Variants in NAALADL2 observed in about 807,000 individuals in gnomAD.
The protein encoded by NAALADL2 is inactive N-acetylated-alpha-linked acidic dipeptidase-like protein 2.
A neutral mutation model predicts 87.2 loss-of-function variants in NAALADL2; 76 were observed. The ratio of observed to expected loss-of-function variants is 0.87; its 90% CI spans 0.72 to 1.05. The LOEUF is 1.05. Ranked by LOEUF, NAALADL2 falls within the 50% of genes least tolerant of loss-of-function variation. The pLI, the probability that NAALADL2 is intolerant of heterozygous loss-of-function variation, is 0.00. For synonymous variants in NAALADL2, 354 were observed against 331.0 expected (o/e 1.07, Z -0.75); for missense variants, 1,089 against 945.8 (o/e 1.15, Z -1.99).
intron 4 of NAALADL2, 94 bp from the exon 5 acceptor site, chr3:175,324,079 AAG>A: frequency 1.1e-6 from 1 of 873,940 alleles, no homozygotes; most frequent in Non-Finnish European, 1.7e-6. Flanking sequence ...AAACTGGAAA[AAG>A]AGTCATCTTA....
intron 6 of NAALADL2, among the ~76,000 whole-genome samples, chr3:175,454,703 A>G (rs1722072904): frequency 6.6e-6 from 1 of 152,090 alleles, no homozygotes; most frequent in Non-Finnish European, 1.5e-5. Flanking sequence ...GCTGTTAACA[A>G]GATTTGTTTT....
intron 1 of NAALADL2, among the ~76,000 whole-genome samples, chr3:175,016,259 T>TATATA (rs1703203508): frequency 1.7e-5 from 2 of 118,994 alleles, no homozygotes; most frequent in African/African-American, 7.0e-5. Flanking sequence ...GATAAATTAT[T>TATATA]TATATATATA....
chr3:175,089,781 C>A (rs1196863739), intron 1 of NAALADL2, among the ~76,000 whole-genome samples: 1 of 152,126 alleles, frequency 6.6e-6, no homozygotes, highest in Non-Finnish European at 1.5e-5. Context: ...AAAACAAACC[C>A]TTCAGCTAAG....
intron 3 of NAALADL2, among the ~76,000 whole-genome samples, chr3:174,747,356 T>C (rs1082580): frequency 0.31 from 46,910 of 151,780 alleles, 7,741 homozygotes; most frequent in Non-Finnish European, 0.37. Context: ...ATCAGAGAAA[T>C]GCAAATCAAT....
At chr3:175,019,333 T>A (rs1162004842) in intron 1 of NAALADL2, among the ~76,000 whole-genome samples, 1 of 152,044 alleles carries the variant, frequency 6.6e-6, no homozygotes, top group Non-Finnish European at 1.5e-5. Flanking sequence ...AAGAAATTAA[T>A]ATTTAAGTAA....
chr3:175,390,919 A>G (rs1403017389), intron 5 of NAALADL2, among the ~76,000 whole-genome samples: 1 of 152,158 alleles, frequency 6.6e-6, no homozygotes, highest in Non-Finnish European at 1.5e-5. Flanking sequence ...CACCTTTATC[A>G]GCAACATTCT....
At chr3:174,636,393 T>C (rs1477460227) in intron 2 of NAALADL2, among the ~76,000 whole-genome samples, 9 of 152,040 alleles carry the variant, frequency 5.9e-5, no homozygotes, top group African/African-American at 2.2e-4. Context: ...ATCTATAAAG[T>C]GGAAAGACAA....
intron 2 of NAALADL2, among the ~76,000 whole-genome samples, chr3:175,208,820 G>T (rs1289649194): frequency 6.6e-6 from 1 of 152,152 alleles, no homozygotes; most frequent in Non-Finnish European, 1.5e-5. Flanking sequence ...GAATAACCAT[G>T]AATCGTTTTT....
At chr3:174,806,280 C>A (rs550658402) in intron 3 of NAALADL2, among the ~76,000 whole-genome samples, 1 of 152,256 alleles carries the variant, frequency 6.6e-6, no homozygotes, top group African/African-American at 2.4e-5. Flanking sequence ...TCTACAGTCC[C>A]AATTATTGCC....
At chr3:174,531,315 T>C (rs6764678) in intron 1 of NAALADL2, among the ~76,000 whole-genome samples, 26,735 of 151,794 alleles carry the variant, frequency 0.18, 2,389 homozygotes, top group Middle Eastern at 0.25. Context: ...GAGTCAAAAA[T>C]TGAGATCAGC....
chr3:175,136,186 T>C (rs1341614691), intron 2 of NAALADL2, among the ~76,000 whole-genome samples: 1 of 152,098 alleles, frequency 6.6e-6, no homozygotes, highest in Non-Finnish European at 1.5e-5. Flanking sequence ...GGAGACATCA[T>C]TGCAGTGTAA....
intron 2 of NAALADL2, among the ~76,000 whole-genome samples, chr3:175,157,965 C>T (rs927226168): frequency 1.3e-5 from 2 of 151,976 alleles, no homozygotes; most frequent in Non-Finnish European, 2.9e-5. Context: ...TCTAATACTC[C>T]ATGCACCAAA....
At chr3:175,017,590 T>C (rs1157509542) in intron 1 of NAALADL2, among the ~76,000 whole-genome samples, 2 of 152,056 alleles carry the variant, frequency 1.3e-5, no homozygotes, top group Non-Finnish European at 2.9e-5. Flanking sequence ...TTTATGTGAT[T>C]GGTAGTCCGA....
At chr3:175,009,049 T>C (rs1749434652) in intron 1 of NAALADL2, among the ~76,000 whole-genome samples, 1 of 152,164 alleles carries the variant, frequency 6.6e-6, no homozygotes, top group South Asian at 2.1e-4. Flanking sequence ...TAATGATAAA[T>C]TTTATCTTTC....
At chr3:175,514,609 T>G (rs937343375) in intron 9 of NAALADL2, among the ~76,000 whole-genome samples, 2 of 152,112 alleles carry the variant, frequency 1.3e-5, no homozygotes, top group African/African-American at 4.8e-5. Flanking sequence ...CAAAAGTGCA[T>G]GTAGGGGAGA....
intron 1 of NAALADL2, among the ~76,000 whole-genome samples, chr3:174,515,228 T>C (rs914473527): frequency 5.3e-5 from 8 of 152,146 alleles, no homozygotes; most frequent in Admixed American, 3.9e-4. Context: ...CCCTTTTCTA[T>C]TGGGCTCATA....
intron 1 of NAALADL2, among the ~76,000 whole-genome samples, chr3:175,076,346 A>G (rs922525397): frequency 3.9e-5 from 3 of 76,864 alleles, no homozygotes; most frequent in Non-Finnish European, 5.8e-5. Context: ...TTTTTACTTT[A>G]TTCTAGAGAA....
chr3:174,457,881 CAG>C (rs376811993), intron 1 of NAALADL2, among the ~76,000 whole-genome samples: 112 of 151,716 alleles, frequency 7.4e-4, no homozygotes, highest in African/African-American at 2.6e-3. Flanking sequence ...AGCAAACTAA[CAG>C]AGGAACAGAA....
chr3:174,717,311 A>G (rs1731279358), intron 2 of NAALADL2, among the ~76,000 whole-genome samples: 1 of 152,118 alleles, frequency 6.6e-6, no homozygotes, highest in Non-Finnish European at 1.5e-5. Context: ...TAATTAATTC[A>G]GGAAGGTTGA....
Sources: allele counts gnomAD v4.1 joint callset (sites outside exome capture counted in the v4.1 genomes callset), GRCh38; gene constraint gnomAD v4.1.1; transcripts MANE v1.5; gene names NCBI Gene and HGNC (gene_info 2026-07-23, HGNC 2026-07-21).